AIMP1: variants seen among roughly 807,000 people sequenced by gnomAD.
AIMP1 encodes the protein aminoacyl tRNA synthetase complex interacting multifunctional protein 1, also known as aminoacyl tRNA synthase complex-interacting multifunctional protein 1.
In AIMP1, 24 loss-of-function variants were observed where a neutral mutation model predicts 33.1. That is an observed-to-expected ratio of 0.73 (90% CI 0.53 to 1.02). AIMP1 has a LOEUF of 1.02. Ranked by LOEUF, AIMP1 falls within the 50% of genes least tolerant of loss-of-function variation. AIMP1 has a pLI of 0.00. For synonymous variants in AIMP1, 120 were observed against 121.5 expected, an observed-to-expected ratio of 0.99 and a Z score of 0.08; for missense variants, 367 against 364.8, an observed-to-expected ratio of 1.01 and a Z score of -0.05.
chr4:106,332,367 A>G (rs990255149), intron 5 of AIMP1, among the ~76,000 whole-genome samples: 1 of 151,794 alleles, frequency 6.6e-6, no homozygotes, highest in South Asian at 2.1e-4. Context: ...TCATGCTTTT[A>G]GATTGGTGCT....
chr4:106,334,865 T>C (rs561187788), intron 5 of AIMP1, among the ~76,000 whole-genome samples: 2 of 152,190 alleles, frequency 1.3e-5, no homozygotes, highest in Non-Finnish European at 2.9e-5. Flanking sequence ...GAGAAATGGA[T>C]GGCTGGGATG....
chr4:106,322,881 G>A (rs549887568), intron 1 of AIMP1, among the ~76,000 whole-genome samples: 3 of 152,066 alleles, frequency 2.0e-5, no homozygotes, highest in South Asian at 4.2e-4. Context: ...CTATTTGGGA[G>A]GCTAAGGCAG....
At chr4:106,334,588 C>T (rs550756324) in intron 5 of AIMP1, among the ~76,000 whole-genome samples, 1 of 152,060 alleles carries the variant, frequency 6.6e-6, no homozygotes, top group African/African-American at 2.4e-5. Context: ...TTAAAAATAG[C>T]CCTGCCTTTA....
At chr4:106,329,059 T>TC (rs397948956) in intron 4 of AIMP1, among the ~76,000 whole-genome samples, 1 of 144,150 alleles carries the variant, frequency 6.9e-6, no homozygotes, top group Non-Finnish European at 1.5e-5. Flanking sequence ...TTTTTTTTTT[T>TC]GGAAAATATA....
At chr4:106,318,364 C>T (rs773669883) in intron 1 of AIMP1, among the ~76,000 whole-genome samples, 3 of 152,040 alleles carry the variant, frequency 2.0e-5, no homozygotes, top group Non-Finnish European at 2.9e-5. Flanking sequence ...TAAAAGGTAC[C>T]ACATTGCTTT....
Position 106,316,612 on chromosome 4 carries a change from G to A in AIMP1, c.-26+18G>A. On this transcript the variant is annotated intron_variant, in intron 1 of 6. Transcript: ENST00000672341. Reference sequence around the variant, plus strand: ...CGCTTCATGTGAGTGACGTCGTGGCGGGTCACTCACTCGGGGATCGCCGAT... The same window carrying A: ...CGCTTCATGTGAGTGACGTCGTGGCAGGTCACTCACTCGGGGATCGCCGAT... 7.1e-6 allele frequency: 11 copies of A among 1,550,614 alleles called. No homozygotes were observed. The highest frequency in any genetic ancestry group is 9.6e-6 in the Non-Finnish European group (11 of 1,146,504).
At chr4:106,345,594 CCAGT>C in intron 6 of AIMP1, among the ~76,000 whole-genome samples, 1 of 151,966 alleles carries the variant, frequency 6.6e-6, no homozygotes, top group East Asian at 1.9e-4. Context: ...ATTTTTTATA[CCAGT>C]CACTTTCAGT....
At position 106,328,159 on chromosome 4, in the gene AIMP1, A is replaced by G. The variant is rs1561025297; in HGVS notation, c.307A>G (p.Thr103Ala). The change falls in exon 4 of 7, where the codon ACA becomes GCA. Residue 103 changes from threonine to alanine, a missense_variant. Thr to Ala is a moderately conservative substitution (Grantham distance 58). Transcript: ENST00000672341. ...SENVIQSTAV[T>A]TVSSGTKEQI... ...AAATGTGATACAGTCTACAGCAGTAACAACCGTATCTTCTGGTACCAAAGA... is the reference window on the plus strand; with the variant it reads ...AAATGTGATACAGTCTACAGCAGTAGCAACCGTATCTTCTGGTACCAAAGA... 4.3e-6 allele frequency: 7 copies of G among 1,613,482 alleles called. No homozygotes were observed. Among genetic ancestry groups the G allele is most frequent in the Non-Finnish European group, 5.9e-6 (7 of 1,179,740 alleles).
Position 106,347,513 on chromosome 4 carries a change from T to C in AIMP1, c.773-13T>C. The C allele has an allele frequency of 6.2e-7, 1 of 1,605,950 alleles. No individual in the cohort carries two copies. Among genetic ancestry groups the C allele is most frequent in the Non-Finnish European group, 8.5e-7 (1 of 1,176,398 alleles). The stretch of plus-strand genomic sequence containing the variant: ...GCTGTGTAATTTTCTTGTGCTTTTT[T>C]TCTCCTACACAGGAGAGCCTGACAA... On this transcript the variant is annotated splice_polypyrimidine_tract_variant and intron_variant, in intron 6 of 6. Transcript: ENST00000672341.
rs547221641 is a variant in AIMP1, at chr4:106,321,599, C to T, written c.-25-3386C>T. 2.1e-4 allele frequency: 33 copies of T among 155,390 alleles called. No individual in the cohort carries two copies. In the South Asian group the frequency reaches 3.7e-3, roughly 17 times the overall value. 9.6% of individuals were successfully genotyped at this position (155,390 alleles called of 1,614,324 possible). A position where few individuals can be genotyped will look rare whatever the true frequency, so the allele number is the denominator to read the frequency against. ...AGGTGGGGGGCAGCCCCCGCCCGGCCGGCGCCCCGTCTGGGAGGTGGAGGG... is the reference window on the plus strand; with the variant it reads ...AGGTGGGGGGCAGCCCCCGCCCGGCTGGCGCCCCGTCTGGGAGGTGGAGGG... On this transcript the variant is annotated intron_variant, in intron 1 of 6. Transcript: ENST00000672341.
At chr4:106,330,501 CCT>C (rs770552568) in intron 4 of AIMP1, among the ~76,000 whole-genome samples, 35 of 152,018 alleles carry the variant, frequency 2.3e-4, no homozygotes, top group Non-Finnish European at 5.0e-4. Context: ...AATTCCATCC[CCT>C]CTTTGATAAA....
At chr4:106,318,033 C>A (rs371275600) in intron 1 of AIMP1, among the ~76,000 whole-genome samples, 12 of 152,186 alleles carry the variant, frequency 7.9e-5, no homozygotes, top group African/African-American at 2.9e-4. Context: ...ATGGACTGGC[C>A]TCTCATAGCT....
rs750047860 is a variant in AIMP1 at position 106,328,220 on chromosome 4, C to T, written c.368C>T (p.Ala123Val). The stretch of plus-strand genomic sequence containing the variant: ...GGAGGAACAGGAGACGAAAAGAAAG[C>T]GAAAGAGAAAATTGAAAAGAAAGGT... The part of the protein sequence containing the change: ...IKGGTGDEKK[A>V]KEKIEKKGEK... The change falls in exon 4 of 7, where the codon GCG becomes GTG. Residue 123 changes from alanine to valine, a missense_variant. Physicochemically the swap from Ala to Val is moderately conservative, Grantham distance 64 (BLOSUM62 0). Transcript: ENST00000672341. 10 of 1,609,320 alleles carry T rather than the reference C, an allele frequency of 6.2e-6. No homozygotes were observed. The highest frequency in any genetic ancestry group is 4.5e-5 in the East Asian group (2 of 44,754).
chr4:106,324,899 T>C, intron 1 of AIMP1, 86 bp from the exon 2 acceptor site: 1 of 1,125,932 alleles, frequency 8.9e-7, no homozygotes, highest in South Asian at 2.6e-5. Context: ...AAAATGTTTT[T>C]CCTTTCAGAC....
chr4:106,337,103 T>G, intron 6 of AIMP1, 66 bp downstream of exon 6: 1 of 1,390,626 alleles, frequency 7.2e-7, no homozygotes, highest in South Asian at 1.2e-5. Context: ...TTTGTAATGC[T>G]TAAAGGTTAA....
chr4:106,328,449 G>A (rs1356287271), intron 4 of AIMP1, among the ~76,000 whole-genome samples: 1 of 152,128 alleles, frequency 6.6e-6, no homozygotes, highest in Admixed American at 6.5e-5. Context: ...TAAAAATGTG[G>A]CATTTTAGGC....
At chr4:106,344,707 A>G (rs1770228573) in intron 6 of AIMP1, among the ~76,000 whole-genome samples, 1 of 152,002 alleles carries the variant, frequency 6.6e-6, no homozygotes, top group Non-Finnish European at 1.5e-5. Context: ...TCTTACAGTG[A>G]TCTCCCATTA....
chr4:106,325,513 T>A (rs1769422335), intron 2 of AIMP1, among the ~76,000 whole-genome samples: 1 of 147,276 alleles, frequency 6.8e-6, no homozygotes, highest in Admixed American at 6.7e-5. Flanking sequence ...TTAAAATTAT[T>A]TTTCTTAAAA....
intron 6 of AIMP1, among the ~76,000 whole-genome samples, chr4:106,346,907 T>G (rs1428074833): frequency 6.6e-6 from 1 of 152,128 alleles, no homozygotes; most frequent in Non-Finnish European, 1.5e-5. Context: ...TGGCTCATGG[T>G]TCAGCGGGCT....
Sources: allele counts gnomAD v4.1 joint callset (sites outside exome capture counted in the v4.1 genomes callset), GRCh38; gene constraint gnomAD v4.1.1; transcripts MANE v1.5; gene names NCBI Gene and HGNC (gene_info 2026-07-23, HGNC 2026-07-21).